The following HEXD variants were observed in gnomAD, a reference collection of about 807,000 sequenced individuals.
The protein encoded by HEXD is N-acetyl-beta-galactosaminidase.
HEXD carries 47 observed loss-of-function variants against 54.2 expected under a neutral mutation model. The observed-to-expected ratio is 0.87, with a 90% CI of 0.69 to 1.11. The LOEUF (loss-of-function observed/expected upper bound fraction) is 1.11, where lower values mean the gene tolerates loss of function less well. HEXD is among the 50% of genes least tolerant of loss of function. The probability of loss-of-function intolerance (pLI) is 0.00; values close to 1 mark genes in which losing one functional copy is unlikely to be tolerated. For synonymous variants in HEXD, 293 were observed against 287.6 expected, an observed-to-expected ratio of 1.02 and a Z score of -0.19; for missense variants, 576 against 649.2, an observed-to-expected ratio of 0.89 and a Z score of 1.23.
At chr17:82,423,791 C>T (rs142592314) in intron 2 of HEXD, among the ~76,000 whole-genome samples, 2,046 of 139,600 alleles carry the variant, frequency 0.015, 48 homozygotes, top group African/African-American at 0.053. Flanking sequence ...CCAGCCTGGG[C>T]GAGAGAGCGA....
In HEXD at chr17:82,442,460, G is replaced by A; in HGVS notation, c.*76G>A. On this transcript the variant is annotated 3_prime_UTR_variant, in exon 13 of 13. Transcript: ENST00000327949. The surrounding 1 kb of genome is among the most constrained non-coding windows in gnomAD (Gnocchi z 6.8). ...ACTGCCAAATGGCCTGGGCAATACG[G>A]GCCCACGTGGGCGTCGTGCCCTCTG... is the stretch of plus-strand genomic sequence containing the variant. 4 of 1,608,156 alleles carry A rather than the reference G, an allele frequency of 2.5e-6. No homozygotes were observed. Among genetic ancestry groups the A allele is most frequent in the Non-Finnish European group, 3.4e-6 (4 of 1,175,944 alleles).
chr17:82,439,452 C>T (rs2053864016), intron 8 of HEXD, 179 bp from the exon 9 acceptor site: 1 of 985,304 alleles, frequency 1.0e-6, no homozygotes. Flanking sequence ...CATGAGAGCC[C>T]TGCCGCACAG....
At chr17:82,440,045 C>A in intron 9 of HEXD, 1 of 1,314,174 alleles carries the variant, frequency 7.6e-7, no homozygotes, top group South Asian at 1.3e-5. Context: ...CCCACCTGGC[C>A]GAGCAGGTGT....
chr17:82,429,335 C>T (rs190632036), intron 4 of HEXD, among the ~76,000 whole-genome samples: 2 of 152,020 alleles, frequency 1.3e-5, no homozygotes, highest in Admixed American at 1.3e-4. Context: ...ACCACCACAC[C>T]GATTTAATGG....
intron 8 of HEXD, among the ~76,000 whole-genome samples, chr17:82,439,249 A>T (rs1045819248): frequency 6.6e-5 from 10 of 152,144 alleles, no homozygotes; most frequent in African/African-American, 2.4e-4. Flanking sequence ...AGGGGCCCGG[A>T]GGCCCTAGGA....
rs1461412071 is a variant in HEXD at position 82,419,076 on chromosome 17, C to T, written c.-52+336C>T. ...CAAAGCTTTCCTTTCCTTTTCTCACCCAATCCTTTGTGCTTTCATAGTAGA... is the reference window on the plus strand; with the variant it reads ...CAAAGCTTTCCTTTCCTTTTCTCACTCAATCCTTTGTGCTTTCATAGTAGA... On this transcript the variant is annotated intron_variant, in intron 1 of 12. Coordinates refer to ENST00000327949, the MANE Select transcript of HEXD (RefSeq NM_001330542.2). Among the ~76,000 whole-genome samples the T allele has an allele frequency of 2.0e-5, 3 of 152,290 alleles. No individual in the cohort carries two copies. The East Asian group carries it at 5.8e-4, about 29-fold the overall frequency.
intron 9 of HEXD, 73 bp downstream of exon 9, chr17:82,439,786 C>T: frequency 1.3e-6 from 2 of 1,597,200 alleles, no homozygotes; most frequent in South Asian, 1.1e-5. Context: ...AGGCCAAGCA[C>T]CCAGTGCTCC....
intron 4 of HEXD, among the ~76,000 whole-genome samples, chr17:82,430,082 C>T (rs2053534580): frequency 6.6e-6 from 1 of 152,148 alleles, no homozygotes; most frequent in South Asian, 2.1e-4. Flanking sequence ...ATGCAGGCAC[C>T]ACCCCTGTCT....
At chr17:82,420,873 C>T (rs1202177038) in intron 2 of HEXD, among the ~76,000 whole-genome samples, 1 of 152,094 alleles carries the variant, frequency 6.6e-6, no homozygotes, top group Admixed American at 6.6e-5. Flanking sequence ...GCCAAGCCAC[C>T]CAGTTTATGG....
chr17:82,439,266 C>T (rs1251888955), intron 8 of HEXD, among the ~76,000 whole-genome samples: 2 of 152,140 alleles, frequency 1.3e-5, no homozygotes, highest in African/African-American at 4.8e-5. Context: ...AGGAGGGGGG[C>T]GTCAAGGGCA....
intron 9 of HEXD, chr17:82,440,545 C>T (rs1324138460): frequency 9.2e-6 from 3 of 326,524 alleles, no homozygotes; most frequent in African/African-American, 2.2e-5. Flanking sequence ...CCGTCAGCCT[C>T]TTGCAGCAAG....
Position 82,442,479 on chromosome 17 carries a change from C to G in HEXD, c.*95C>G. ...AATACGGGCCCACGTGGGCGTCGTG[C>G]CCTCTGGCCCAGCAGTGTCTTGCCC... On this transcript the variant is annotated 3_prime_UTR_variant, in exon 13 of 13. Coordinates refer to ENST00000327949, the MANE Select transcript of HEXD (RefSeq NM_001330542.2). This position sits in a 1 kb window ranked among gnomAD's most constrained non-coding sequence, Gnocchi z 6.8. 6.2e-7 allele frequency: 1 copy of G among 1,605,356 alleles called. No individual in the cohort carries two copies. The highest frequency in any genetic ancestry group is 8.5e-7 in the Non-Finnish European group (1 of 1,173,518).
At chr17:82,425,069 G>C (rs941799289) in intron 3 of HEXD, among the ~76,000 whole-genome samples, 3 of 151,264 alleles carry the variant, frequency 2.0e-5, no homozygotes, top group Non-Finnish European at 4.4e-5. Flanking sequence ...GGCTGGAGAA[G>C]GCTGGAGAAG....
rs1208802076 is a variant in HEXD, at chr17:82,442,551, G to C, written c.*167G>C. ...TGGGCAGCCCCTGGGGGAGAGACTA[G>C]AAAACACAGAAGGAAGCAGCACAGG... On this transcript the variant is annotated 3_prime_UTR_variant, in exon 13 of 13. Transcript: ENST00000327949. This position sits in a 1 kb window ranked among gnomAD's most constrained non-coding sequence, Gnocchi z 6.8. The C allele has an allele frequency of 1.3e-6, 2 of 1,585,286 alleles. No homozygotes were observed. Among genetic ancestry groups the C allele is most frequent in the East Asian group, 4.5e-5 (2 of 43,964 alleles).
intron 8 of HEXD, among the ~76,000 whole-genome samples, chr17:82,438,602 T>A (rs978838229): frequency 6.6e-6 from 1 of 152,206 alleles, no homozygotes; most frequent in Non-Finnish European, 1.5e-5. Flanking sequence ...TTGGGTCTCG[T>A]CTCAAGTTAG....
At position 82,437,351 on chromosome 17, in the gene HEXD, C is replaced by A; in HGVS notation, c.887C>A (p.Thr296Asn). The change falls in exon 8 of 13, where the codon ACC (threonine) becomes AAC (asparagine). Residue 296 changes from threonine to asparagine, a missense_variant. Coordinates refer to ENST00000327949, the MANE Select transcript of HEXD (RefSeq NM_001330542.2). ...GACTCACTGCAGGGCATCATCCTGA[C>A]CGGCTGGCAGAGGTAAGTCCTGGCC... is the stretch of plus-strand genomic sequence containing the variant. Reference protein sequence around the residue: ...PTDSLQGIILTGWQRYDHYSV... With the variant: ...PTDSLQGIILNGWQRYDHYSV... 6.2e-7 allele frequency: 1 copy of A among 1,600,606 alleles called. No individual in the cohort carries two copies. Among genetic ancestry groups the A allele is most frequent in the South Asian group, 1.1e-5 (1 of 89,808 alleles).
rs559009927 is a variant in HEXD, at chr17:82,434,554, T to C, written c.447+732T>C. The stretch of plus-strand genomic sequence containing the variant: ...TTACCATTCTAACCATTTTAAAATA[T>C]AGGCTGGGTGTGGTGGCTCACGCCT... On this transcript the variant is annotated intron_variant, in intron 5 of 12. Coordinates refer to ENST00000327949, the MANE Select transcript of HEXD (RefSeq NM_001330542.2). The surrounding 1 kb of genome is among the most constrained non-coding windows in gnomAD (Gnocchi z 4.5). Among the ~76,000 whole-genome samples the C allele has an allele frequency of 1.8e-4, 28 of 152,332 alleles. No homozygotes were observed. Among genetic ancestry groups the C allele is most frequent in the African/African-American group, 6.5e-4 (27 of 41,578 alleles).
intron 9 of HEXD, chr17:82,440,426 C>T (rs1567897221): frequency 4.1e-6 from 3 of 734,160 alleles, no homozygotes; most frequent in Non-Finnish European, 5.7e-6. Flanking sequence ...ACAGACACCC[C>T]TGTACCCCAC....
At chr17:82,435,248 C>T (rs553464391) in intron 5 of HEXD, among the ~76,000 whole-genome samples, 2 of 152,330 alleles carry the variant, frequency 1.3e-5, no homozygotes, top group East Asian at 1.9e-4. Context: ...CCCCAGGCCC[C>T]GGCGACCACG....
Sources: allele counts gnomAD v4.1 joint callset (sites outside exome capture counted in the v4.1 genomes callset), GRCh38; gene constraint gnomAD v4.1.1; non-coding constraint Gnocchi (gnomAD v3.1); transcripts MANE v1.5; gene names NCBI Gene and HGNC (gene_info 2026-07-23, HGNC 2026-07-21).